The following DNAH9 variants were observed in gnomAD, a reference collection of about 807,000 sequenced individuals.
The protein encoded by DNAH9 is DNAH9 variant protein.
A neutral mutation model predicts 471.6 loss-of-function variants in DNAH9; 345 were observed. The observed-to-expected ratio is 0.73, with a 90% CI of 0.67 to 0.80. DNAH9 has a LOEUF of 0.80. Among genes scored for constraint, DNAH9 ranks in the 30% least tolerant of loss-of-function variants. DNAH9 has a pLI of 0.00. For synonymous variants in DNAH9, 2,093 were observed against 2,123.6 expected, an observed-to-expected ratio of 0.99 and a Z score of 0.40; for missense variants, 5,407 against 5,609.2, an observed-to-expected ratio of 0.96 and a Z score of 1.15.
chr17:11,818,885 C>CTATTATTATTATTATTAT (rs140324358), intron 45 of DNAH9, among the ~76,000 whole-genome samples: 3 of 147,186 alleles, frequency 2.0e-5, no homozygotes, highest in African/African-American at 5.0e-5. Context: ...TCCATTATTA[C>CTATTATTATTATTATTAT]TATTATTATT....
chr17:11,637,693 C>CT (rs2073189818), intron 9 of DNAH9, among the ~76,000 whole-genome samples: 1 of 152,134 alleles, frequency 6.6e-6, no homozygotes. Flanking sequence ...CGTTATTGGA[C>CT]TGAATGGCCT....
intron 59 of DNAH9, among the ~76,000 whole-genome samples, chr17:11,901,084 G>C (rs1229580330): frequency 6.6e-6 from 1 of 152,192 alleles, no homozygotes; most frequent in Non-Finnish European, 1.5e-5. Context: ...CAAATGGCTT[G>C]AGAGTGCCAG....
intron 41 of DNAH9, among the ~76,000 whole-genome samples, chr17:11,787,240 AG>A (rs1968906473): frequency 6.6e-6 from 1 of 152,216 alleles, no homozygotes; most frequent in African/African-American, 2.4e-5. Flanking sequence ...ACACAGAAAC[AG>A]CTGGATTGGT....
chr17:11,961,345 A>G (rs1217989937), intron 67 of DNAH9, among the ~76,000 whole-genome samples: 1 of 152,214 alleles, frequency 6.6e-6, no homozygotes, highest in African/African-American at 2.4e-5. Flanking sequence ...GATGGTGTTC[A>G]GTGTAAACCT....
chr17:11,608,615 G>A (rs755468542), intron 2 of DNAH9, among the ~76,000 whole-genome samples: 2 of 152,036 alleles, frequency 1.3e-5, no homozygotes, highest in African/African-American at 2.4e-5. Context: ...CTAGCTTTCC[G>A]TATTTTGCTT....
At chr17:11,705,486 T>C (rs1453042759) in intron 26 of DNAH9, 1 of 259,782 alleles carries the variant, frequency 3.8e-6, no homozygotes, top group African/African-American at 2.2e-5. Flanking sequence ...TTAAAAACAT[T>C]GACCTAAGTT....
intron 66 of DNAH9, among the ~76,000 whole-genome samples, chr17:11,939,650 T>C (rs1052987119): frequency 2.6e-5 from 4 of 152,192 alleles, no homozygotes; most frequent in African/African-American, 9.7e-5. Context: ...TATTTTGTTG[T>C]TAAGAAGTAA....
chr17:11,644,511 C>T (rs1371061625), intron 10 of DNAH9, 120 bp from the exon 11 acceptor site: 2 of 693,032 alleles, frequency 2.9e-6, no homozygotes, highest in Non-Finnish European at 4.8e-6. Flanking sequence ...TCTTTCAGGG[C>T]TGTTTGGAAA....
At chr17:11,604,704 T>C (rs2072462728) in intron 1 of DNAH9, among the ~76,000 whole-genome samples, 1 of 152,162 alleles carries the variant, frequency 6.6e-6, no homozygotes, top group African/African-American at 2.4e-5. Context: ...CCCTTTTTTT[T>C]TCTCTTGCGA....
chr17:11,643,217 C>T (rs1264610238), intron 10 of DNAH9, among the ~76,000 whole-genome samples: 3 of 152,206 alleles, frequency 2.0e-5, no homozygotes, highest in South Asian at 4.1e-4. Flanking sequence ...TTCCGTGGTC[C>T]TTAGCATTCC....
intron 61 of DNAH9, among the ~76,000 whole-genome samples, chr17:11,917,454 G>C (rs1445239737): frequency 1.3e-5 from 2 of 152,114 alleles, no homozygotes; most frequent in East Asian, 3.9e-4. Flanking sequence ...ACCACATCTG[G>C]CTGGCCTCTA....
At chr17:11,637,604 AAAAT>A (rs1429696210) in intron 9 of DNAH9, among the ~76,000 whole-genome samples, 3 of 152,154 alleles carry the variant, frequency 2.0e-5, no homozygotes, top group Non-Finnish European at 4.4e-5. Flanking sequence ...CTCTAAAAAT[AAAAT>A]AAATAAGAAA....
chr17:11,895,370 G>A (rs956940994), intron 59 of DNAH9, among the ~76,000 whole-genome samples: 1 of 152,186 alleles, frequency 6.6e-6, no homozygotes, highest in South Asian at 2.1e-4. Flanking sequence ...TACATAAGAT[G>A]AATCTTGTTT....
intron 1 of DNAH9, among the ~76,000 whole-genome samples, chr17:11,604,413 T>TC (rs2072454807): frequency 6.6e-6 from 1 of 152,096 alleles, no homozygotes; most frequent in African/African-American, 2.4e-5. Context: ...TTGGGGGCTG[T>TC]CATTCAATTT....
chr17:11,619,747 T>A lies in DNAH9; in HGVS notation c.1316T>A (p.Leu439Ter). The change falls in exon 6 of 69, where the codon TTG (leucine) becomes TAG (stop). Residue 439 changes from leucine (L) to a stop codon, truncating the protein, a stop_gained. Transcript: ENST00000262442. LOFTEE classifies it high-confidence loss of function. ...DFQSSLVFVR[L>*]DGFLGQLHVV... is the part of the protein sequence containing the mutation. ...CAGTCTTCTTTGGTCTTTGTGCGAT[T>A]GGATGGCTTCCTGGGACAACTGCAC... 1 of 1,613,798 alleles carries A rather than the reference T, an allele frequency of 6.2e-7. No individual in the cohort carries two copies. Among genetic ancestry groups the A allele is most frequent in the Non-Finnish European group, 8.5e-7 (1 of 1,179,680 alleles).
chr17:11,875,306 C>A, intron 53 of DNAH9, 122 bp downstream of exon 53: 1 of 746,046 alleles, frequency 1.3e-6, no homozygotes, highest in Non-Finnish European at 2.2e-6. Context: ...TCAGGCTTCT[C>A]ACGTTTCTCC....
chr17:11,872,197 G>A (rs1972292706), intron 52 of DNAH9, among the ~76,000 whole-genome samples: 1 of 152,092 alleles, frequency 6.6e-6, no homozygotes, highest in African/African-American at 2.4e-5. Context: ...TTGTTACTGG[G>A]CCCTAAAGCT....
At chr17:11,686,323 T>C (rs1350527910) in intron 19 of DNAH9, among the ~76,000 whole-genome samples, 1 of 152,170 alleles carries the variant, frequency 6.6e-6, no homozygotes, top group Non-Finnish European at 1.5e-5. Context: ...TTAATTATAG[T>C]TTTATTCATC....
chr17:11,679,856 C>A lies in DNAH9; in HGVS notation c.3453C>A (p.His1151Gln), dbSNP rs2074104667. 1 of 1,613,894 alleles carries A rather than the reference C, an allele frequency of 6.2e-7. No homozygotes were observed. Among genetic ancestry groups the A allele is most frequent in the African/African-American group, 1.3e-5 (1 of 74,872 alleles). ...DFQGLVEIMG[H>Q]LMAVKERQSN... ...AAGGCTTGGTTGAGATCATGGGACA[C>A]CTTATGGCTGTTAAAGAACGGCAGA... Residue 1151 changes from histidine to glutamine, a missense_variant, in exon 18 of 69, where the codon CAC becomes CAA. By Grantham distance (24) the His-to-Gln change is conservative. Coordinates refer to ENST00000262442, the MANE Select transcript of DNAH9 (RefSeq NM_001372.4).
Sources: allele counts gnomAD v4.1 joint callset (sites outside exome capture counted in the v4.1 genomes callset), GRCh38; gene constraint gnomAD v4.1.1; transcripts MANE v1.5; gene names NCBI Gene and HGNC (gene_info 2026-07-23, HGNC 2026-07-21).